The following TGM6 variants were observed in gnomAD, a reference collection of about 807,000 sequenced individuals.
The protein encoded by TGM6 is transglutaminase 6, also known as protein-glutamine gamma-glutamyltransferase 6.
A neutral mutation model predicts 77.5 loss-of-function variants in TGM6; 74 were observed. That is an observed-to-expected ratio of 0.96 (90% confidence interval 0.79 to 1.16). TGM6 has a LOEUF of 1.16. TGM6 is among the 50% of genes most tolerant of loss of function. The probability of loss-of-function intolerance (pLI) is 0.00; values close to 1 mark genes in which losing one functional copy is unlikely to be tolerated. For synonymous variants in TGM6, 383 were observed against 378.9 expected (o/e 1.01, Z -0.12); for missense variants, 968 against 940.2 (o/e 1.03, Z -0.39).
chr20:2,419,635 A>C (rs1280824806), intron 10 of TGM6, among the ~76,000 whole-genome samples: 1 of 152,204 alleles, frequency 6.6e-6, no homozygotes, highest in East Asian at 1.9e-4. Flanking sequence ...TTTGAAAAAC[A>C]GTTCTGGTTA....
chr20:2,411,282 A>C lies in TGM6; in HGVS notation c.1337-5950A>C, dbSNP rs145744399. 1.3e-3 allele frequency among the ~76,000 whole-genome samples: 192 copies of C among 152,308 alleles called. 1 individual carries two copies. Among genetic ancestry groups the C allele is most frequent in the Admixed American group, 2.7e-3 (41 of 15,300 alleles). On this transcript the variant is annotated intron_variant, in intron 9 of 12. Coordinates refer to ENST00000202625, the MANE Select transcript of TGM6 (RefSeq NM_198994.3). ...TGATAAACTGAATTCAGCAACATAT[A>C]AAAAAGATTATATGCCATGAGCAAG...
At chr20:2,402,976 C>A (rs915259190) in intron 7 of TGM6, among the ~76,000 whole-genome samples, 1 of 152,196 alleles carries the variant, frequency 6.6e-6, no homozygotes, top group Non-Finnish European at 1.5e-5. Context: ...ACTGAAGTCT[C>A]ACCTTCAATG....
chr20:2,394,403 T>G, intron 1 of TGM6, 49 bp from the exon 2 acceptor site: 52 of 1,601,730 alleles, frequency 3.2e-5, no homozygotes, highest in African/African-American at 4.0e-5. Flanking sequence ...TCAGAGTGGG[T>G]GAGAAACAGG....
chr20:2,384,240 T>C (rs1246213889), intron 1 of TGM6, among the ~76,000 whole-genome samples: 1 of 152,178 alleles, frequency 6.6e-6, no homozygotes, highest in Non-Finnish European at 1.5e-5. Context: ...TATTAATGGC[T>C]TCTCCTTTCA....
At chr20:2,393,427 G>A (rs548252763) in intron 1 of TGM6, among the ~76,000 whole-genome samples, 99 of 152,332 alleles carry the variant, frequency 6.5e-4, no homozygotes, top group African/African-American at 2.4e-3. Context: ...CAGGAAAGCT[G>A]CGACACGCCT....
chr20:2,416,567 AG>A (rs1209076300), intron 9 of TGM6, among the ~76,000 whole-genome samples: 1 of 152,210 alleles, frequency 6.6e-6, no homozygotes, highest in Non-Finnish European at 1.5e-5. Flanking sequence ...TTTTAGGAAA[AG>A]GGTGGTAACT....
intron 4 of TGM6, among the ~76,000 whole-genome samples, chr20:2,397,620 G>A (rs1224868592): frequency 6.6e-6 from 1 of 152,226 alleles, no homozygotes; most frequent in Non-Finnish European, 1.5e-5. Flanking sequence ...ATATCAGCGA[G>A]GTGGATGTGG....
intron 6 of TGM6, 37 bp from the exon 7 acceptor site, chr20:2,400,269 C>T (rs1440617055): frequency 1.2e-6 from 2 of 1,613,284 alleles, no homozygotes; most frequent in South Asian, 1.1e-5. Context: ...TCTCAGGGGC[C>T]AGGGTCCCGC....
chr20:2,381,893 G>T (rs2084557403), intron 1 of TGM6, among the ~76,000 whole-genome samples: 1 of 152,154 alleles, frequency 6.6e-6, no homozygotes, highest in African/African-American at 2.4e-5. Flanking sequence ...ACTGCAGGCT[G>T]GGCAACAGAG....
rs2084727117 is a variant in TGM6 at position 2,403,568 on chromosome 20, C to T, written c.1094-13C>T. ...CCTTACCCATGCTGCTCATGCCCAC[C>T]CCTCCTGCCCAGGTGTGTTCCGGTG... On this transcript the variant is annotated splice_polypyrimidine_tract_variant and intron_variant, in intron 8 of 12. Transcript: ENST00000202625. 1.9e-6 allele frequency: 3 copies of T among 1,614,040 alleles called. No individual in the cohort carries two copies. Among genetic ancestry groups the T allele is most frequent in the Middle Eastern group, 1.6e-4 (1 of 6,084 alleles).
At chr20:2,423,516 C>T (rs921538196) in intron 10 of TGM6, among the ~76,000 whole-genome samples, 31 of 152,196 alleles carry the variant, frequency 2.0e-4, no homozygotes, top group Admixed American at 6.5e-5. Context: ...TGGAGCAATT[C>T]AGTCACATCT....
intron 10 of TGM6, among the ~76,000 whole-genome samples, chr20:2,424,767 A>G (rs1377127599): frequency 6.6e-6 from 1 of 152,092 alleles, no homozygotes; most frequent in Non-Finnish European, 1.5e-5. Flanking sequence ...CTTCCTCACT[A>G]AGCTTAATCA....
At chr20:2,400,513 C>A in intron 7 of TGM6, 69 bp downstream of exon 7, 1 of 1,605,962 alleles carries the variant, frequency 6.2e-7, no homozygotes, top group Non-Finnish European at 8.5e-7. Context: ...GCCTCATCTT[C>A]CATAACACCA....
chr20:2,385,935 G>A (rs988561456), intron 1 of TGM6, among the ~76,000 whole-genome samples: 4 of 152,224 alleles, frequency 2.6e-5, no homozygotes, highest in East Asian at 1.9e-4. Flanking sequence ...AGGGAGAGAC[G>A]TATGTAAGCA....
At chr20:2,406,842 A>T (rs2084755148) in intron 9 of TGM6, among the ~76,000 whole-genome samples, 1 of 124,050 alleles carries the variant, frequency 8.1e-6, no homozygotes, top group African/African-American at 2.7e-5. Flanking sequence ...AAAAAAAAAA[A>T]AAAAAAAAAA....
At chr20:2,399,836 T>A (rs2084694485) in intron 6 of TGM6, 98 bp downstream of exon 6, 3 of 1,074,214 alleles carry the variant, frequency 2.8e-6, no homozygotes, top group Non-Finnish European at 2.7e-6. Context: ...CCCATCTTCA[T>A]TGATGGATTC....
intron 10 of TGM6, among the ~76,000 whole-genome samples, chr20:2,420,110 C>T (rs1370360893): frequency 1.2e-4 from 18 of 152,084 alleles, no homozygotes; most frequent in South Asian, 2.1e-4. Context: ...CCGGGCGTGG[C>T]GGCATGCGCC....
chr20:2,390,285 A>T (rs1336541849), intron 1 of TGM6, among the ~76,000 whole-genome samples: 1 of 152,226 alleles, frequency 6.6e-6, no homozygotes, highest in African/African-American at 2.4e-5. Flanking sequence ...AATAGTAATG[A>T]AACTTTTGTT....
intron 9 of TGM6, among the ~76,000 whole-genome samples, chr20:2,407,825 C>T (rs1361973768): frequency 6.6e-6 from 1 of 152,108 alleles, no homozygotes; most frequent in Non-Finnish European, 1.5e-5. Context: ...CATGTGCTCT[C>T]AAAGTAGAGA....
Sources: allele counts gnomAD v4.1 joint callset (sites outside exome capture counted in the v4.1 genomes callset), GRCh38; gene constraint gnomAD v4.1.1; transcripts MANE v1.5; gene names NCBI Gene and HGNC (gene_info 2026-07-23, HGNC 2026-07-21).